Variants in KPNA7 observed in about 807,000 individuals in gnomAD.
KPNA7 encodes importin subunit alpha-8.
A neutral mutation model predicts 53.7 loss-of-function variants in KPNA7; 54 were observed. The ratio of observed to expected loss-of-function variants is 1.01; its 90% CI spans 0.81 to 1.26. The LOEUF (loss-of-function observed/expected upper bound fraction) is 1.26, where lower values mean the gene tolerates loss of function less well. Ranked by LOEUF, KPNA7 falls within the 50% of genes most tolerant of loss-of-function variation. The pLI, the probability that KPNA7 is intolerant of heterozygous loss-of-function variation, is 0.00. For missense variants in KPNA7, 640 were observed against 644.5 expected (o/e 0.99, Z 0.07); for synonymous variants, 276 against 259.3 (o/e 1.06, Z -0.62).
At chr7:99,166,629 A>T in the KPNA7 span, among the ~76,000 whole-genome samples, 3 of 142,306 alleles carry the variant, frequency 2.1e-5, no homozygotes, top group African/African-American at 7.8e-5. Context: ...TATTTTATTT[A>T]TTTTTTTTGA....
In KPNA7 at chr7:99,184,959, G is replaced by GA. The variant is rs1290921914; in HGVS notation, c.1103dup (p.Pro370AlafsTer13). On this transcript the variant is annotated frameshift_variant, in exon 8 of 11. Transcript: ENST00000327442. LOFTEE classifies it high-confidence loss of function. ...TTAGCAGAGCCACCAAGGGAGGCAA[G>GA]ACGTCGTAGGCAAGCAGCTGCTGGA... 1 of 1,551,992 alleles carries GA rather than the reference G, an allele frequency of 6.4e-7. No individual in the cohort carries two copies.
At chr7:99,151,240 G>A in the KPNA7 span, among the ~76,000 whole-genome samples, 1 of 152,172 alleles carries the variant, frequency 6.6e-6, no homozygotes, top group Non-Finnish European at 1.5e-5. Flanking sequence ...TGTTTAGCCT[G>A]CATCAATCCT....
Position 99,196,118 on chromosome 7 carries a change from G to A in KPNA7, c.250C>T (p.Pro84Ser), listed in dbSNP as rs914871506. Residue 84 changes from proline to serine, a missense_variant, in exon 4 of 11, where the codon CCA becomes TCA. Physicochemically the swap from Pro to Ser is moderately conservative, Grantham distance 74. Transcript: ENST00000327442. ...TGGGTGGCCTGGAAACATAGGACTG[G>A]ATCTGAGCTATTCACACCTTTGATT... ...EIIKGVNSSD[P>S]VLCFQATQTA... 9 of 1,551,704 alleles carry A rather than the reference G, an allele frequency of 5.8e-6. No individual in the cohort carries two copies. In the African/African-American group the frequency reaches 9.6e-5, roughly 17 times the overall value.
intron 9 of KPNA7, among the ~76,000 whole-genome samples, chr7:99,180,581 C>G (rs1799132697): frequency 6.9e-6 from 1 of 145,912 alleles, no homozygotes; most frequent in South Asian, 2.2e-4. Flanking sequence ...CTGTCTCTGT[C>G]CATCTCTCCG....
chr7:99,200,258 G>A (rs997248021), intron 3 of KPNA7, among the ~76,000 whole-genome samples: 2 of 151,964 alleles, frequency 1.3e-5, no homozygotes, highest in African/African-American at 2.4e-5. Context: ...GGCTGGTCTC[G>A]AACTCCTCAG....
intron 8 of KPNA7, among the ~76,000 whole-genome samples, chr7:99,183,446 A>G (rs1789388417): frequency 2.6e-5 from 4 of 152,210 alleles, no homozygotes; most frequent in Admixed American, 2.6e-4. Flanking sequence ...GTTATAGTTC[A>G]AAAGATACCA....
the KPNA7 span, among the ~76,000 whole-genome samples, chr7:99,153,369 C>A: frequency 1.3e-5 from 2 of 150,392 alleles, no homozygotes; most frequent in African/African-American, 4.9e-5. Flanking sequence ...ACCAGCCTGG[C>A]CAACATGGCG....
chr7:99,169,134 G>A (rs1239087130), downstream of KPNA7, among the ~76,000 whole-genome samples: 4 of 151,956 alleles, frequency 2.6e-5, no homozygotes, highest in East Asian at 2.0e-4. Context: ...CCAGCCTGGC[G>A]ACAGAGAGAC....
chr7:99,153,310 C>T, the KPNA7 span, among the ~76,000 whole-genome samples: 1 of 152,152 alleles, frequency 6.6e-6, no homozygotes, highest in African/African-American at 2.4e-5. Flanking sequence ...GTAATCCCAA[C>T]ACTTTAAGAG....
intron 1 of KPNA7, among the ~76,000 whole-genome samples, chr7:99,218,440 G>A (rs573130493): frequency 1.2e-4 from 19 of 152,208 alleles, no homozygotes; most frequent in Admixed American, 5.2e-4. Context: ...GGGCTGAATC[G>A]GGAACAAGTC....
At position 99,188,686 on chromosome 7, in the gene KPNA7, A is replaced by G. The variant is rs114820560; in HGVS notation, c.637-123T>C. On this transcript the variant is annotated intron_variant, in intron 6 of 10. Transcript: ENST00000327442. ...ATGAACCAGAGCTTTTTAAAATTTT[A>G]TTTATTATTTTCAGACAGCCTTGCT... The G allele has an allele frequency of 1.3e-3, 1,421 of 1,073,992 alleles. 17 individuals are homozygous for G. The African/African-American group carries it at 0.021, about 16-fold the overall frequency. The allele number at this position is 1,073,992 out of a possible 1,614,324, so 66.5% of individuals were successfully genotyped here. A position where few individuals can be genotyped will look rare whatever the true frequency, so the allele number is the denominator to read the frequency against.
At chr7:99,214,515 C>T (rs1184182789) in intron 1 of KPNA7, among the ~76,000 whole-genome samples, 2 of 148,140 alleles carry the variant, frequency 1.4e-5, no homozygotes, top group Non-Finnish European at 3.0e-5. Flanking sequence ...GTAGTCCCAG[C>T]TACTTGGGAG....
chr7:99,202,550 A>G (rs1177020244), intron 3 of KPNA7, among the ~76,000 whole-genome samples: 2 of 152,114 alleles, frequency 1.3e-5, no homozygotes, highest in African/African-American at 4.8e-5. Flanking sequence ...TCAATTAGAA[A>G]TATCACCTTT....
chr7:99,152,167 G>A, the KPNA7 span, among the ~76,000 whole-genome samples: 17 of 152,118 alleles, frequency 1.1e-4, no homozygotes, highest in Admixed American at 9.8e-4. Context: ...CTGGGCGACA[G>A]AGCGAGATTC....
At chr7:99,156,924 G>A in the KPNA7 span, among the ~76,000 whole-genome samples, 1 of 128,964 alleles carries the variant, frequency 7.8e-6, no homozygotes, top group Non-Finnish European at 1.8e-5. Flanking sequence ...CAGATGGTAA[G>A]CCTCCTGAAT....
the KPNA7 span, among the ~76,000 whole-genome samples, chr7:99,155,601 C>A: frequency 6.6e-6 from 1 of 152,088 alleles, no homozygotes; most frequent in Non-Finnish European, 1.5e-5. Context: ...CGCTCTGTTG[C>A]CCAGGCTGGA....
intron 3 of KPNA7, among the ~76,000 whole-genome samples, chr7:99,201,203 A>G (rs1199029159): frequency 3.9e-5 from 6 of 152,078 alleles, no homozygotes; most frequent in African/African-American, 1.4e-4. Flanking sequence ...GGGGATGAGG[A>G]ATGGGGAGTG....
chr7:99,151,611 G>C, the KPNA7 span, among the ~76,000 whole-genome samples: 337 of 150,568 alleles, frequency 2.2e-3, 1 homozygote, highest in Middle Eastern at 0.01. Context: ...ATCATGCCTG[G>C]CTAATTAAAA....
rs778588208 is a variant in KPNA7, at chr7:99,188,372, G to A, written c.828C>T (p.Ile276=). ...SYLTDGSNKR[I]GQVVNTGVLP... Reference sequence around the variant, plus strand: ...GGACCCCCGTGTTAACCACTTGGCCGATGCGCTTGTTGGAGCCGTCGGTGA... The same window carrying A: ...GGACCCCCGTGTTAACCACTTGGCCAATGCGCTTGTTGGAGCCGTCGGTGA... Residue 276 remains isoleucine (I), a synonymous_variant, in exon 7 of 11, where the codon ATC becomes ATT. Coordinates refer to ENST00000327442, the MANE Select transcript of KPNA7 (RefSeq NM_001145715.3). 16 of 1,551,406 alleles carry A rather than the reference G, an allele frequency of 1.0e-5. No homozygotes were observed. The highest frequency in any genetic ancestry group is 4.8e-5 in the South Asian group (4 of 84,050).
Sources: gnomAD v4.1 joint callset for allele counts (sites outside exome capture counted in the v4.1 genomes callset) on GRCh38, gnomAD v4.1.1 for gene constraint, MANE v1.5 for transcripts, NCBI Gene and HGNC (gene_info 2026-07-23, HGNC 2026-07-21) for gene names.